Variants in HSPG2 observed in about 807,000 individuals in gnomAD.
HSPG2 encodes heparan sulfate proteoglycan 2.
A neutral mutation model predicts 526.6 loss-of-function variants in HSPG2; 278 were observed. The observed-to-expected ratio is 0.53, with a 90% confidence interval of 0.48 to 0.58. HSPG2 has a LOEUF of 0.58. HSPG2 is among the 20% of genes least tolerant of loss of function. HSPG2 has a pLI of 0.00. For missense variants in HSPG2, 5,354 were observed against 6,099.5 expected (o/e 0.88, Z 4.07); for synonymous variants, 2,465 against 2,555.4 (o/e 0.96, Z 1.07).
rs756728010 is a variant in HSPG2 at position 21,873,401 on chromosome 1, T to A, written c.3767A>T (p.Asn1256Ile). Residue 1256 changes from asparagine (N) to isoleucine (I), a missense_variant, in exon 30 of 97, where the codon AAC becomes ATC. By Grantham distance (149) the Asn-to-Ile change is moderately radical (BLOSUM62 -3). Transcript: ENST00000374695. ...CTGGCATGGCTGGCCCTGGCTGGGG[T>A]TGCCATAGTAGCCAGGGGCGCACCT... ...CERCAPGYYG[N>I]PSQGQPCQRD... The A allele has an allele frequency of 3.7e-6, 6 of 1,612,682 alleles. No homozygotes were observed. The Admixed American group carries it at 1.0e-4, about 27-fold the overall frequency.
intron 49 of HSPG2, 69 bp downstream of exon 49, chr1:21,854,542 G>A (rs764967147): frequency 9.0e-5 from 135 of 1,503,074 alleles, no homozygotes; most frequent in Admixed American, 4.7e-4. Context: ...CCCGCCCAGC[G>A]TACAGGCCCC....
intron 47 of HSPG2, 151 bp downstream of exon 47, chr1:21,855,153 G>C: frequency 7.4e-7 from 1 of 1,347,350 alleles, no homozygotes; most frequent in Non-Finnish European, 1.0e-6. Flanking sequence ...GGGGCTCCCT[G>C]CTGGGATGCA....
intron 2 of HSPG2, 96 bp from the exon 3 acceptor site, chr1:21,896,062 G>A (rs1642721560): frequency 5.0e-6 from 8 of 1,592,566 alleles, no homozygotes; most frequent in Non-Finnish European, 6.9e-6. Flanking sequence ...TATACAGTGG[G>A]ACAGGGTTGA....
At chr1:21,845,004 T>C (rs1344931443) in intron 64 of HSPG2, among the ~76,000 whole-genome samples, 1 of 152,194 alleles carries the variant, frequency 6.6e-6, no homozygotes, top group African/African-American at 2.4e-5. Flanking sequence ...TCCCAGCACT[T>C]TGGGAGGCCG....
intron 85 of HSPG2, chr1:21,830,738 T>G (rs2152691837): frequency 3.4e-5 from 13 of 384,046 alleles, no homozygotes; most frequent in African/African-American, 1.0e-4. Flanking sequence ...GGGGAGTGCC[T>G]GGGTGGCGGG....
chr1:21,874,444 G>T lies in HSPG2; in HGVS notation c.3618C>A (p.Cys1206Ter). The T allele has an allele frequency of 6.2e-7, 1 of 1,611,936 alleles. No individual in the cohort carries two copies. Among genetic ancestry groups the T allele is most frequent in the Non-Finnish European group, 8.5e-7 (1 of 1,179,886 alleles). Reference sequence around the variant, plus strand: ...GGTCTCCGTAGCAGGGGCACAGCTGGCAGTCCTGTGGTGTCCCCCGCTGGG... The same window carrying T: ...GGTCTCCGTAGCAGGGGCACAGCTGTCAGTCCTGTGGTGTCCCCCGCTGGG... The part of the protein sequence containing the change: ...GDAQRGTPQD[C>*]QLCPCYGDPA... The change falls in exon 28 of 97, where the codon TGC (cysteine) becomes TGA (stop). Residue 1206 changes from cysteine to a stop codon, truncating the protein, a stop_gained. Coordinates refer to ENST00000374695, the MANE Select transcript of HSPG2 (RefSeq NM_005529.7). LOFTEE classifies it high-confidence loss of function.
At chr1:21,869,610 G>A in intron 33 of HSPG2, 1 of 986,066 alleles carries the variant, frequency 1.0e-6, no homozygotes, top group Non-Finnish European at 1.2e-6. Context: ...GGGCAGCAAA[G>A]CTGGACAGGA....
At chr1:21,838,646 C>T (rs2098036426) in intron 74 of HSPG2, among the ~76,000 whole-genome samples, 179 bp downstream of exon 74, 1 of 152,188 alleles carries the variant, frequency 6.6e-6, no homozygotes, top group African/African-American at 2.4e-5. Flanking sequence ...GCTGAGCACA[C>T]ATGATGGAGG....
chr1:21,912,639 T>A (rs1399469959), intron 1 of HSPG2, among the ~76,000 whole-genome samples: 1 of 152,148 alleles, frequency 6.6e-6, no homozygotes, highest in Non-Finnish European at 1.5e-5. Context: ...GGGAACTTTA[T>A]CACTTTGAGC....
chr1:21,842,061 A>T lies in HSPG2; in HGVS notation c.9134T>A (p.Ile3045Asn). 1 of 1,613,528 alleles carries T rather than the reference A, an allele frequency of 6.2e-7. No homozygotes were observed. ...GCTGATGGGGGCTGCCCCGTCATGG[A>T]TGAGGCACTTGAAGCTGGCATCCTG... is the stretch of plus-strand genomic sequence containing the variant. The part of the protein sequence containing the change: ...QGQDASFKCL[I>N]HDGAAPISLE... Residue 3045 changes from isoleucine (I) to asparagine (N), a missense_variant, in exon 69 of 97, where the codon ATC (isoleucine) becomes AAC (asparagine). Physicochemically the swap from Ile to Asn is moderately radical, Grantham distance 149. Transcript: ENST00000374695.
intron 21 of HSPG2, among the ~76,000 whole-genome samples, chr1:21,877,082 G>C (rs1005931534): frequency 7.4e-6 from 1 of 135,580 alleles, no homozygotes; most frequent in Non-Finnish European, 1.6e-5. Context: ...AAAAAGAAAA[G>C]AAAAGAAAAG....
At chr1:21,913,056 G>A (rs1643755398) in intron 1 of HSPG2, among the ~76,000 whole-genome samples, 1 of 151,980 alleles carries the variant, frequency 6.6e-6, no homozygotes, top group Non-Finnish European at 1.5e-5. Context: ...GAAGAGAGAG[G>A]AGCCTCCCAG....
In HSPG2 at chr1:21,887,292, T is replaced by C. The variant is rs374139481; in HGVS notation, c.1001A>G (p.Asn334Ser). ...PCEPNEFPCG[N>S]GHCALKLWRC... is the part of the protein sequence containing the mutation. ...CCACAGCTTGAGGGCACAATGTCCA[T>C]TCCCGCAGGGGAACTCGTTGGGCTC... Residue 334 changes from asparagine to serine, a missense_variant, in exon 9 of 97, where the codon AAT (asparagine) becomes AGT (serine). Asn to Ser is a conservative substitution (Grantham distance 46, BLOSUM62 1). Coordinates refer to ENST00000374695, the MANE Select transcript of HSPG2 (RefSeq NM_005529.7). The surrounding 1 kb of genome is among the most constrained non-coding windows in gnomAD (Gnocchi z 5.0). The C allele has an allele frequency of 3.1e-6, 5 of 1,613,924 alleles. No homozygotes were observed. Among genetic ancestry groups the C allele is most frequent in the Non-Finnish European group, 4.2e-6 (5 of 1,179,956 alleles).
In HSPG2 at chr1:21,876,410, G is replaced by C; in HGVS notation, c.2827-5C>G. 1 of 1,610,530 alleles carries C rather than the reference G, an allele frequency of 6.2e-7. No individual in the cohort carries two copies. Among genetic ancestry groups the C allele is most frequent in the Non-Finnish European group, 8.5e-7 (1 of 1,178,416 alleles). Reference sequence around the variant, plus strand: ...CTCCTCAGAGGCCCCATGCAACTGGGAGGAGGAGAAAGGGCTGGGATGGGG... The same window carrying C: ...CTCCTCAGAGGCCCCATGCAACTGGCAGGAGGAGAAAGGGCTGGGATGGGG... On this transcript the variant is annotated splice_polypyrimidine_tract_variant and splice_region_variant and intron_variant, in intron 22 of 96. Coordinates refer to ENST00000374695, the MANE Select transcript of HSPG2 (RefSeq NM_005529.7).
intron 84 of HSPG2, 49 bp from the exon 85 acceptor site, chr1:21,831,139 A>G: frequency 6.2e-7 from 1 of 1,604,174 alleles, no homozygotes. Context: ...AGTACCCCCC[A>G]TAATCCCCAC....
chr1:21,908,369 T>C (rs1643491274), intron 1 of HSPG2: 5 of 1,078,532 alleles, frequency 4.6e-6, no homozygotes, highest in Non-Finnish European at 7.1e-6. Context: ...AGAATTAATG[T>C]GCGTATTGAG....
At chr1:21,834,986 T>C (rs765446936) in intron 76 of HSPG2, 41 bp from the exon 77 acceptor site, 24 of 1,605,118 alleles carry the variant, frequency 1.5e-5, no homozygotes, top group Non-Finnish European at 1.9e-5. Flanking sequence ...GATCAGTCAC[T>C]GCAGGCCTGG....
chr1:21,848,547 CTGAA>C lies in HSPG2; in HGVS notation c.7737+92_7737+95del, dbSNP rs1437609791. On this transcript the variant is annotated intron_variant, in intron 59 of 96. Transcript: ENST00000374695. The surrounding 1 kb of genome is among the most constrained non-coding windows in gnomAD (Gnocchi z 4.9). ...AGGATACTCAATGTTTGTTGAATGA[CTGAA>C]TGAGCACAGAGTGAGGTGCTGAGAG... 17 of 1,393,196 alleles carry C rather than the reference CTGAA, an allele frequency of 1.2e-5. No homozygotes were observed. In the East Asian group the frequency reaches 3.9e-4, roughly 32 times the overall value. The allele number at this position is 1,393,196 out of a possible 1,614,324, so 86.3% of individuals were successfully genotyped here.
At position 21,893,710 on chromosome 1, in the gene HSPG2, G is replaced by C. The variant is rs1229188776; in HGVS notation, c.244+2212C>G. Among the ~76,000 whole-genome samples the C allele has an allele frequency of 6.6e-6, 1 of 152,080 alleles. No homozygotes were observed. ...GGAGGCAAGAAGGGACATTGACAGCGAGGGAGACGAGATGGAGAGAAGCAG... is the reference window on the plus strand; with the variant it reads ...GGAGGCAAGAAGGGACATTGACAGCCAGGGAGACGAGATGGAGAGAAGCAG... On this transcript the variant is annotated intron_variant, in intron 3 of 96. Transcript: ENST00000374695. This position sits in a 1 kb window ranked among gnomAD's most constrained non-coding sequence, Gnocchi z 4.3.
Sources: gnomAD v4.1 joint callset for allele counts (sites outside exome capture counted in the v4.1 genomes callset) on GRCh38, gnomAD v4.1.1 for gene constraint, Gnocchi (gnomAD v3.1) non-coding constraint, MANE v1.5 for transcripts, NCBI Gene and HGNC (gene_info 2026-07-23, HGNC 2026-07-21) for gene names.